Variants in HIVEP3 observed in about 807,000 individuals in gnomAD.
HIVEP3 encodes HIVEP zinc finger 3.
In HIVEP3, 49 loss-of-function variants were observed where a neutral mutation model predicts 152.8. That is an observed-to-expected ratio of 0.32 (90% CI 0.26 to 0.41). HIVEP3 has a LOEUF of 0.41. Among genes scored for constraint, HIVEP3 ranks in the 10% least tolerant of loss-of-function variants. HIVEP3 has a pLI of 1.00. For synonymous variants in HIVEP3, 1,269 were observed against 1,289.0 expected (o/e 0.98, Z 0.33); for missense variants, 2,790 against 3,103.3 (o/e 0.90, Z 2.40).
In HIVEP3 at chr1:41,918,091, C is replaced by T. The variant is rs951517346; in HGVS notation, c.-801+322G>A. Among the ~76,000 whole-genome samples the T allele has an allele frequency of 1.8e-4, 28 of 152,134 alleles. No individual in the cohort carries two copies. The highest frequency in any genetic ancestry group is 5.2e-4 in the Admixed American group (8 of 15,266). ...GCAAGCAGCGCTGGAGCGCACGGCG[C>T]GCATAGGGTTACAGCCCCGCCGCCG... On this transcript the variant is annotated intron_variant, in intron 1 of 8. Transcript: ENST00000372583. This position sits in a 1 kb window ranked among gnomAD's most constrained non-coding sequence, Gnocchi z 4.3.
chr1:41,590,228 A>G (rs1163333846), intron 3 of HIVEP3, among the ~76,000 whole-genome samples: 3 of 152,240 alleles, frequency 2.0e-5, no homozygotes, highest in Non-Finnish European at 2.9e-5. Context: ...CTGGGCAAAG[A>G]GAGAGGCCAA....
chr1:42,032,795 T>C lies in HIVEP3; in HGVS notation n.119+3012A>G, dbSNP rs552679268. On this transcript the variant is annotated intron_variant and non_coding_transcript_variant, in intron 1 of 3. Coordinates refer to the HIVEP3 transcript ENST00000489103. ...ATGCCACTGCTGGTCTCAGCCTGGA[T>C]CCCCTCATCCCAGATTCTGGCCACG... Among the ~76,000 whole-genome samples the C allele has an allele frequency of 2.6e-5, 4 of 152,194 alleles. No individual in the cohort carries two copies. The South Asian group carries it at 8.3e-4, about 32-fold the overall frequency.
chr1:41,612,737 C>G (rs185111727), intron 3 of HIVEP3, among the ~76,000 whole-genome samples: 2 of 152,288 alleles, frequency 1.3e-5, no homozygotes, highest in Non-Finnish European at 2.9e-5. Flanking sequence ...GGAGGGTTTG[C>G]TGGCTTAAAA....
chr1:41,663,655 G>C (rs1244853746), intron 2 of HIVEP3, among the ~76,000 whole-genome samples: 1 of 152,184 alleles, frequency 6.6e-6, no homozygotes, highest in Non-Finnish European at 1.5e-5. Flanking sequence ...CTTTAATGGA[G>C]GGAACCCCCA....
In HIVEP3 at chr1:41,575,559, T is replaced by C. The variant is rs1243789112; in HGVS notation, c.5192A>G (p.Lys1731Arg). 1.2e-6 allele frequency: 2 copies of C among 1,614,172 alleles called. No individual in the cohort carries two copies. Among genetic ancestry groups the C allele is most frequent in the South Asian group, 2.2e-5 (2 of 91,074 alleles). The change falls in exon 5 of 9, where the codon AAA becomes AGA. Residue 1731 changes from lysine to arginine, a missense_variant. Physicochemically the swap from Lys to Arg is conservative, Grantham distance 26. This residue lies in a region of HIVEP3 where 1,078 missense variants were observed against 1,165.3 expected (regional missense o/e 0.93). Transcript: ENST00000372583. ...TGAGTCTTACCCTCCTTCGAAGATT[T>C]TGATCCTCGCCGGCTCCCCTCTCTG... ...ASQRGEPARI[K>R]IFEGGYKSNE...
chr1:41,563,069 C>A (rs564958828), intron 5 of HIVEP3, among the ~76,000 whole-genome samples: 1 of 151,510 alleles, frequency 6.6e-6, no homozygotes, highest in East Asian at 1.9e-4. Flanking sequence ...TAGTGGGGGT[C>A]GGGCGCATGG....
chr1:41,751,702 T>G (rs1647166120), intron 1 of HIVEP3, among the ~76,000 whole-genome samples: 1 of 152,150 alleles, frequency 6.6e-6, no homozygotes, highest in African/African-American at 2.4e-5. Context: ...CACTCAGTGG[T>G]GGGCAAGGGA....
rs1026488507 is a variant in HIVEP3, at chr1:41,709,012, G to A, written c.-800-8017C>T. Among the ~76,000 whole-genome samples, 47 of 152,166 alleles carry A rather than the reference G, an allele frequency of 3.1e-4. 1 individual carries two copies. The highest frequency in any genetic ancestry group is 5.9e-5 in the Non-Finnish European group (4 of 68,026). ...AAGGGAAGCCTTTCTCAGGGGTTCTGGGAAAGAGTTTCTTTGCTAATAAAA... is the reference window on the plus strand; with the variant it reads ...AAGGGAAGCCTTTCTCAGGGGTTCTAGGAAAGAGTTTCTTTGCTAATAAAA... On this transcript the variant is annotated intron_variant, in intron 1 of 8. Coordinates refer to ENST00000372583, the MANE Select transcript of HIVEP3 (RefSeq NM_024503.5).
intron 1 of HIVEP3, among the ~76,000 whole-genome samples, chr1:41,841,121 C>G (rs1051163642): frequency 6.6e-6 from 1 of 152,136 alleles, no homozygotes; most frequent in Non-Finnish European, 1.5e-5. Flanking sequence ...ACAAAGCCAG[C>G]CCTGCGTTTC....
chr1:41,885,575 G>T (rs1644331768), intron 1 of HIVEP3, among the ~76,000 whole-genome samples: 2 of 152,218 alleles, frequency 1.3e-5, no homozygotes, highest in Non-Finnish European at 2.9e-5. Context: ...TGAGGCATGA[G>T]AATCACTTGA....
intron 1 of HIVEP3, among the ~76,000 whole-genome samples, chr1:41,913,256 T>C (rs1306923025): frequency 6.6e-6 from 1 of 152,260 alleles, no homozygotes; most frequent in Non-Finnish European, 1.5e-5. Context: ...ATTTCTGCAT[T>C]TGCAAACTTG....
At chr1:41,561,434 T>G (rs1344211203) in intron 5 of HIVEP3, among the ~76,000 whole-genome samples, 1 of 152,124 alleles carries the variant, frequency 6.6e-6, no homozygotes, top group Non-Finnish European at 1.5e-5. Context: ...AAAATGTTCT[T>G]GTGATTTGCA....
At chr1:41,885,211 T>C (rs746216950) in intron 1 of HIVEP3, among the ~76,000 whole-genome samples, 4 of 152,208 alleles carry the variant, frequency 2.6e-5, no homozygotes, top group African/African-American at 4.8e-5. Context: ...TACCAAGTTC[T>C]GACCACTCAA....
intron 1 of HIVEP3, among the ~76,000 whole-genome samples, chr1:41,852,797 T>C (rs1415521596): frequency 1.3e-5 from 2 of 152,242 alleles, no homozygotes; most frequent in Non-Finnish European, 2.9e-5. Context: ...AGTGATAACC[T>C]TAATGACAAG....
intron 1 of HIVEP3, among the ~76,000 whole-genome samples, chr1:41,783,131 G>C (rs1464186582): frequency 6.6e-6 from 1 of 152,152 alleles, no homozygotes; most frequent in East Asian, 1.9e-4. Context: ...AAGTTCTCCT[G>C]GGAACCGAGT....
At chr1:41,689,039 T>C (rs1485670485) in intron 2 of HIVEP3, among the ~76,000 whole-genome samples, 2 of 152,234 alleles carry the variant, frequency 1.3e-5, no homozygotes, top group Non-Finnish European at 2.9e-5. Context: ...AAAAATCTTT[T>C]TGGGAGAATA....
At chr1:41,588,637 A>T (rs1644540847) in intron 3 of HIVEP3, among the ~76,000 whole-genome samples, 1 of 152,050 alleles carries the variant, frequency 6.6e-6, no homozygotes, top group African/African-American at 2.4e-5. Flanking sequence ...TGTGGGCTGG[A>T]CATGGTGTTT....
At chr1:41,995,833 G>C (rs1460722280) in intron 1 of HIVEP3, among the ~76,000 whole-genome samples, 1 of 152,106 alleles carries the variant, frequency 6.6e-6, no homozygotes, top group Non-Finnish European at 1.5e-5. Flanking sequence ...TTTTCCTTCA[G>C]CTCCATCACA....
intron 1 of HIVEP3, among the ~76,000 whole-genome samples, chr1:41,811,463 C>T (rs979812010): frequency 2.6e-5 from 4 of 151,936 alleles, no homozygotes; most frequent in Admixed American, 6.6e-5. Flanking sequence ...CTTCTTTGAA[C>T]ACCATTTTTC....
Sources: gnomAD v4.1 joint callset for allele counts (sites outside exome capture counted in the v4.1 genomes callset) on GRCh38, gnomAD v4.1.1 for gene constraint, gnomAD v4.1.1 regional missense constraint, Gnocchi (gnomAD v3.1) non-coding constraint, MANE v1.5 for transcripts, NCBI Gene and HGNC (gene_info 2026-07-23, HGNC 2026-07-21) for gene names.